RETREG2: variants seen among roughly 807,000 people sequenced by gnomAD.
RETREG2 encodes reticulophagy regulator family member 2, also known as reticulophagy regulator 2.
A neutral mutation model predicts 51.6 loss-of-function variants in RETREG2; 21 were observed. The observed-to-expected ratio is 0.41, with a 90% CI of 0.29 to 0.59. RETREG2 has a LOEUF of 0.59. Ranked by LOEUF, RETREG2 falls within the 20% of genes least tolerant of loss-of-function variation. The pLI is 0.34. For synonymous variants in RETREG2, 339 were observed against 288.6 expected (o/e 1.17, Z -1.77); for missense variants, 674 against 646.0 (o/e 1.04, Z -0.47).
In RETREG2 at chr2:219,180,332, C is replaced by T. The variant is rs571777787; in HGVS notation, c.555+87C>T. 4.8e-4 allele frequency: 739 copies of T among 1,533,498 alleles called. 4 individuals carry two copies. The South Asian group carries it at 8.0e-3, about 17-fold the overall frequency. The allele number at this position is 1,533,498 out of a possible 1,614,324, so 95.0% of individuals were successfully genotyped here. ...ATGGGAGTGGAGTGATATAAACTCCCCGCTTGGAGACCCTGAAAGAAGAGG... is the reference window on the plus strand; with the variant it reads ...ATGGGAGTGGAGTGATATAAACTCCTCGCTTGGAGACCCTGAAAGAAGAGG... On this transcript the variant is annotated intron_variant, in intron 4 of 8. Transcript: ENST00000430297.
chr2:219,180,661 T>C lies in RETREG2; in HGVS notation c.556-9T>C. 1 of 1,614,190 alleles carries C rather than the reference T, an allele frequency of 6.2e-7. No homozygotes were observed. The highest frequency in any genetic ancestry group is 8.5e-7 in the Non-Finnish European group (1 of 1,180,004). On this transcript the variant is annotated splice_polypyrimidine_tract_variant and intron_variant, in intron 4 of 8. Coordinates refer to ENST00000430297, the MANE Select transcript of RETREG2 (RefSeq NM_024293.6). Reference sequence around the variant, plus strand: ...CGTGATGTTCTTAGACTTTTGCTCTTCTCTGCAGTTCTGCGTTCGAGTCTG... The same window carrying C: ...CGTGATGTTCTTAGACTTTTGCTCTCCTCTGCAGTTCTGCGTTCGAGTCTG...
chr2:219,182,740 G>A lies in RETREG2; in HGVS notation c.*111G>A. The A allele has an allele frequency of 7.6e-7, 1 of 1,323,632 alleles. No individual in the cohort carries two copies. The highest frequency in any genetic ancestry group is 1.4e-5 in the South Asian group (1 of 73,044). 82.0% of individuals were successfully genotyped at this position (1,323,632 alleles called of 1,614,324 possible). A position where few individuals can be genotyped will look rare whatever the true frequency, so the allele number is the denominator to read the frequency against. On this transcript the variant is annotated 3_prime_UTR_variant, in exon 9 of 9. Transcript: ENST00000430297. Reference sequence around the variant, plus strand: ...GGTGGGGCAGTGTGTGGGGAAGCTGGCTGTCGGATGGTAGCTATTCCACCC... The same window carrying A: ...GGTGGGGCAGTGTGTGGGGAAGCTGACTGTCGGATGGTAGCTATTCCACCC...
rs146701382 is a variant in RETREG2, at chr2:219,181,111, G to A, written c.690G>A (p.Gln230=). The part of the protein sequence containing the change: ...WPLVVYHELI[Q]RMYTRLEPLL... The stretch of plus-strand genomic sequence containing the variant: ...TGGTGGTTTATCATGAGCTGATCCA[G>A]AGGATGTACACTCGCCTGGAGCCCC... Residue 230 remains glutamine, a synonymous_variant, in exon 6 of 9, where the codon CAG becomes CAA. Coordinates refer to ENST00000430297, the MANE Select transcript of RETREG2 (RefSeq NM_024293.6). 1.1e-5 allele frequency: 17 copies of A among 1,614,068 alleles called. No homozygotes were observed. The highest frequency in any genetic ancestry group is 3.3e-5 in the South Asian group (3 of 91,092).
rs764311077 is a variant in RETREG2 at position 219,181,386 on chromosome 2, G to C, written c.802G>C (p.Ala268Pro). The change falls in exon 7 of 9, where the codon GCA becomes CCA. Residue 268 changes from alanine (A) to proline (P), a missense_variant. By Grantham distance (27) the Ala-to-Pro change is conservative. Transcript: ENST00000430297. ...HDKRKRQGKNAPPGGDEPLAE... is the reference protein window; with the variant it reads ...HDKRKRQGKNPPPGGDEPLAE... ...TTTTCTAGAGCGTCAGGGGAAGAATGCACCCCCAGGAGGTGATGAGCCACT... is the reference window on the plus strand; with the variant it reads ...TTTTCTAGAGCGTCAGGGGAAGAATCCACCCCCAGGAGGTGATGAGCCACT... 1.9e-6 allele frequency: 3 copies of C among 1,614,056 alleles called. No homozygotes were observed. In the South Asian group the frequency reaches 3.3e-5, roughly 18 times the overall value.
chr2:219,179,937 G>A, intron 3 of RETREG2, 173 bp from the exon 4 acceptor site: 3 of 1,137,370 alleles, frequency 2.6e-6, no homozygotes, highest in Non-Finnish European at 3.9e-6. Flanking sequence ...GCTCCTTTTG[G>A]GGCAGAGGGT....
At position 219,178,408 on chromosome 2, in the gene RETREG2, G is replaced by A. The variant is rs1468854808; in HGVS notation, c.56G>A (p.Gly19Asp). The A allele has an allele frequency of 7.1e-6, 4 of 564,058 alleles. No homozygotes were observed. The East Asian group carries it at 1.0e-4, about 15-fold the overall frequency. 34.9% of individuals were successfully genotyped at this position (564,058 alleles called of 1,614,324 possible). A position where few individuals can be genotyped will look rare whatever the true frequency, so the allele number is the denominator to read the frequency against. ...NTGAGGGPGMGLSLGLGLGLS... is the reference protein window; with the variant it reads ...NTGAGGGPGMDLSLGLGLGLS... ...GGCGCGGGTGGGGGGCCGGGGATGG[G>A]CCTGAGCCTGGGCCTGGGTCTGGGT... is the stretch of plus-strand genomic sequence containing the variant. The change falls in exon 1 of 9, where the codon GGC becomes GAC. Residue 19 changes from glycine (G) to aspartate (D), a missense_variant. Transcript: ENST00000430297.
intron 3 of RETREG2, 136 bp from the exon 4 acceptor site, chr2:219,179,974 A>C: frequency 7.7e-7 from 1 of 1,304,324 alleles, no homozygotes; most frequent in Non-Finnish European, 1.1e-6. Flanking sequence ...TGCTTCTAAG[A>C]CCAGGACAGC....
At position 219,178,409 on chromosome 2, in the gene RETREG2, C is replaced by A; in HGVS notation, c.57C>A (p.Gly19=). 1.8e-6 allele frequency: 1 copy of A among 564,834 alleles called. No individual in the cohort carries two copies. The highest frequency in any genetic ancestry group is 3.0e-6 in the Non-Finnish European group (1 of 333,416). The allele number at this position is 564,834 out of a possible 1,614,324, so 35.0% of individuals were successfully genotyped here. A position where few individuals can be genotyped will look rare whatever the true frequency, so the allele number is the denominator to read the frequency against. ...GCGCGGGTGGGGGGCCGGGGATGGGCCTGAGCCTGGGCCTGGGTCTGGGTC... is the reference window on the plus strand; with the variant it reads ...GCGCGGGTGGGGGGCCGGGGATGGGACTGAGCCTGGGCCTGGGTCTGGGTC... ...NTGAGGGPGM[G]LSLGLGLGLS... is the part of the protein sequence containing the mutation. Residue 19 remains glycine, a synonymous_variant, in exon 1 of 9, where the codon GGC becomes GGA. Transcript: ENST00000430297.
intron 1 of RETREG2, 45 bp from the exon 2 acceptor site, chr2:219,178,877 G>A: frequency 1.4e-6 from 2 of 1,404,584 alleles, no homozygotes; most frequent in Non-Finnish European, 2.0e-6. Flanking sequence ...GGATGCATGA[G>A]CCTGTCTCAC....
intron 2 of RETREG2, among the ~76,000 whole-genome samples, chr2:219,179,333 C>T (rs1440885471): frequency 6.6e-6 from 1 of 152,194 alleles, no homozygotes; most frequent in Non-Finnish European, 1.5e-5. Context: ...GTCTCAATTT[C>T]CTTATCTGTA....
At chr2:219,181,875 C>T (rs1574785453) in intron 8 of RETREG2, 100 bp downstream of exon 8, 12 of 1,559,526 alleles carry the variant, frequency 7.7e-6, no homozygotes, top group Non-Finnish European at 1.0e-5. Flanking sequence ...CTCTAATTCT[C>T]TCAGCTCCTA....
At chr2:219,179,588 G>T in intron 2 of RETREG2, 145 bp from the exon 3 acceptor site, 2 of 749,682 alleles carry the variant, frequency 2.7e-6, no homozygotes. Flanking sequence ...GGAGACAGAC[G>T]CAAACAAAAA....
chr2:219,180,858 G>A, intron 5 of RETREG2, 104 bp downstream of exon 5: 2 of 1,424,598 alleles, frequency 1.4e-6, no homozygotes, highest in Non-Finnish European at 2.0e-6. Flanking sequence ...TTTCTGATTT[G>A]TGGAGATCTC....
intron 3 of RETREG2, 142 bp downstream of exon 3, chr2:219,179,905 C>A: frequency 2.6e-6 from 3 of 1,174,408 alleles, no homozygotes; most frequent in South Asian, 1.2e-5. Flanking sequence ...TCCTAGGCTC[C>A]TGTGTAGGTG....
In RETREG2 at chr2:219,182,398, C is replaced by G; in HGVS notation, c.1401C>G (p.Leu467=). The change falls in exon 9 of 9, where the codon CTC becomes CTG. Residue 467 remains leucine (L), a synonymous_variant. Coordinates refer to ENST00000430297, the MANE Select transcript of RETREG2 (RefSeq NM_024293.6). The part of the protein sequence containing the change: ...GSDPAPSPSI[L]PPVPQDSPQP... ...ACCCAGCCCCCTCCCCTTCCATTCTCCCACCTGTTCCCCAGGACTCACCCC... is the reference window on the plus strand; with the variant it reads ...ACCCAGCCCCCTCCCCTTCCATTCTGCCACCTGTTCCCCAGGACTCACCCC... 6.2e-7 allele frequency: 1 copy of G among 1,613,988 alleles called. No homozygotes were observed. The highest frequency in any genetic ancestry group is 8.5e-7 in the Non-Finnish European group (1 of 1,179,950).
At chr2:219,178,757 C>T (rs1950228453) in intron 1 of RETREG2, 124 bp downstream of exon 1, 2 of 1,232,202 alleles carry the variant, frequency 1.6e-6, no homozygotes. Context: ...TTTTTGCAGG[C>T]TGACATCCGC....
intron 3 of RETREG2, 93 bp downstream of exon 3, chr2:219,179,856 T>C: frequency 7.2e-7 from 1 of 1,388,012 alleles, no homozygotes; most frequent in South Asian, 1.2e-5. Context: ...TGCCCCAGCA[T>C]TGTGAATGAA....
In RETREG2 at chr2:219,181,478, A is replaced by G; in HGVS notation, c.879+15A>G. On this transcript the variant is annotated intron_variant, in intron 7 of 8. Coordinates refer to ENST00000430297, the MANE Select transcript of RETREG2 (RefSeq NM_024293.6). ...TCTCCCCAGTGGTGAGGTCCAGGGA[A>G]AGCGGGGGTGTCAAATAGAAAGCCA... is the stretch of plus-strand genomic sequence containing the variant. 6.2e-7 allele frequency: 1 copy of G among 1,613,380 alleles called. No individual in the cohort carries two copies. The highest frequency in any genetic ancestry group is 8.5e-7 in the Non-Finnish European group (1 of 1,179,402).
At chr2:219,180,343 C>G in intron 4 of RETREG2, 98 bp downstream of exon 4, 1 of 1,510,998 alleles carries the variant, frequency 6.6e-7, no homozygotes. Flanking sequence ...CGCTTGGAGA[C>G]CCTGAAAGAA....
Sources: allele counts gnomAD v4.1 joint callset (sites outside exome capture counted in the v4.1 genomes callset), GRCh38; gene constraint gnomAD v4.1.1; transcripts MANE v1.5; gene names NCBI Gene and HGNC (gene_info 2026-07-23, HGNC 2026-07-21).